COL6A6: variants seen among roughly 807,000 people sequenced by gnomAD.
COL6A6 encodes collagen alpha-6(VI) chain.
Under a neutral mutation model 208.6 loss-of-function variants are expected in COL6A6, and 183 were observed. That is an observed-to-expected ratio of 0.88 (90% CI 0.78 to 0.99). COL6A6 has a LOEUF of 0.99. COL6A6 is among the 50% of genes least tolerant of loss of function. The pLI, the probability that COL6A6 is intolerant of heterozygous loss-of-function variation, is 0.00. For synonymous variants in COL6A6, 973 were observed against 1,011.8 expected (o/e 0.96, Z 0.73); for missense variants, 2,816 against 2,815.2 (o/e 1.00, Z -0.01).
rs763426736 is a variant in COL6A6 at position 130,634,637 on chromosome 3, T to C, written c.5028+12T>C. ...AAAGTGGACCTAAGGTACCGTGTGCTTCCTAGTAACTAGAGATCAGTCAGA... is the reference window on the plus strand; with the variant it reads ...AAAGTGGACCTAAGGTACCGTGTGCCTCCTAGTAACTAGAGATCAGTCAGA... On this transcript the variant is annotated intron_variant, in intron 27 of 36. Transcript: ENST00000358511. 3 of 1,601,968 alleles carry C rather than the reference T, an allele frequency of 1.9e-6. No individual in the cohort carries two copies. In the South Asian group the frequency reaches 3.4e-5, roughly 18 times the overall value.
In COL6A6 at chr3:130,534,832, C is replaced by T. The variant is rs566150939; in HGVS notation, c.-32+17435C>T. ...TTCTGGGTTTAATCGTAGTGTTTCACGTGAAAATCTAGAAGTAGATTTTTT... is the reference window on the plus strand; with the variant it reads ...TTCTGGGTTTAATCGTAGTGTTTCATGTGAAAATCTAGAAGTAGATTTTTT... On this transcript the variant is annotated intron_variant, in intron 1 of 36. Coordinates refer to ENST00000358511, the MANE Select transcript of COL6A6 (RefSeq NM_001102608.3). Among the ~76,000 whole-genome samples, 7 of 152,082 alleles carry T rather than the reference C, an allele frequency of 4.6e-5. No homozygotes were observed. In the South Asian group the frequency reaches 6.2e-4, roughly 14 times the overall value.
intron 35 of COL6A6, 98 bp downstream of exon 35, chr3:130,662,406 G>A (rs924434030): frequency 2.1e-5 from 26 of 1,228,760 alleles, no homozygotes; most frequent in Non-Finnish European, 2.5e-5. Flanking sequence ...GAAACCTCTT[G>A]TCTGTCTTCA....
At chr3:130,617,267 C>G (rs16830210) in intron 23 of COL6A6, among the ~76,000 whole-genome samples, 1,599 of 152,180 alleles carry the variant, frequency 0.011, 13 homozygotes, top group African/African-American at 0.023. Context: ...CTCACGTATA[C>G]CCAATCTCAT....
chr3:130,552,863 A>G (rs557958664), intron 1 of COL6A6, among the ~76,000 whole-genome samples: 2 of 152,308 alleles, frequency 1.3e-5, no homozygotes, highest in Non-Finnish European at 2.9e-5. Flanking sequence ...GAATTTCCTT[A>G]GCACTTGCTT....
At chr3:130,612,146 G>A (rs922150685) in intron 23 of COL6A6, among the ~76,000 whole-genome samples, 3 of 152,230 alleles carry the variant, frequency 2.0e-5, no homozygotes, top group South Asian at 2.1e-4. Context: ...GTATTCCATG[G>A]TATATATTTA....
intron 1 of COL6A6, among the ~76,000 whole-genome samples, chr3:130,521,093 A>G (rs988404072): frequency 1.3e-5 from 2 of 152,200 alleles, no homozygotes; most frequent in Non-Finnish European, 2.9e-5. Flanking sequence ...AAAACCATTT[A>G]CAGTTAAGGA....
Position 130,553,990 on chromosome 3 carries a change from G to C in COL6A6, c.-31-6344G>C, listed in dbSNP as rs76399261. ...GCCAAGCCCCAGCTTAGCACTGCTG[G>C]ACTGCATGCTCTAACTCTGTGGATC... On this transcript the variant is annotated intron_variant, in intron 1 of 36. Coordinates refer to ENST00000358511, the MANE Select transcript of COL6A6 (RefSeq NM_001102608.3). Among the ~76,000 whole-genome samples the C allele has an allele frequency of 5.7e-3, 863 of 152,264 alleles. 9 individuals carry two copies. The highest frequency in any genetic ancestry group is 0.033 in the East Asian group (171 of 5,176).
intron 8 of COL6A6, among the ~76,000 whole-genome samples, chr3:130,575,778 GA>G (rs1386847192): frequency 6.6e-6 from 1 of 152,122 alleles, no homozygotes; most frequent in East Asian, 1.9e-4. Flanking sequence ...GGTTTTCTCT[GA>G]AAATAGCCCG....
chr3:130,665,766 A>G (rs1331122678), intron 36 of COL6A6, among the ~76,000 whole-genome samples: 1 of 152,246 alleles, frequency 6.6e-6, no homozygotes, highest in Non-Finnish European at 1.5e-5. Flanking sequence ...GTGGTTCACA[A>G]TGTAATAACA....
rs540471960 is a variant in COL6A6 at position 130,594,328 on chromosome 3, C to T, written c.4518C>T (p.Gly1506=). The T allele has an allele frequency of 1.5e-4, 239 of 1,613,138 alleles. 1 individual carries two copies. The South Asian group carries it at 2.6e-3, about 18-fold the overall frequency. ...CTCCTGGTGACCGTGGAGCAAAGGGCCTGCGAGGGGATCCCGTAAGTGCAC... is the reference window on the plus strand; with the variant it reads ...CTCCTGGTGACCGTGGAGCAAAGGGTCTGCGAGGGGATCCCGTAAGTGCAC... ...RGTPGDRGAK[G]LRGDPGAPGV... The change falls in exon 18 of 37, where the codon GGC becomes GGT. Residue 1506 remains glycine (G), a synonymous_variant. Coordinates refer to ENST00000358511, the MANE Select transcript of COL6A6 (RefSeq NM_001102608.3).
intron 13 of COL6A6, 125 bp downstream of exon 13, chr3:130,591,219 ATCT>A (rs2063707721): frequency 5.1e-6 from 4 of 777,832 alleles, no homozygotes; most frequent in South Asian, 4.8e-5. Flanking sequence ...AGAATCTCAG[ATCT>A]TCTTTTGTCC....
At chr3:130,671,023 C>T (rs1481392187) in intron 36 of COL6A6, among the ~76,000 whole-genome samples, 3 of 152,102 alleles carry the variant, frequency 2.0e-5, no homozygotes, top group African/African-American at 7.2e-5. Flanking sequence ...GGGGAGATGC[C>T]TGGCTTGACT....
chr3:130,595,204 C>T (rs2063820497), intron 18 of COL6A6, among the ~76,000 whole-genome samples: 2 of 151,942 alleles, frequency 1.3e-5, no homozygotes, highest in African/African-American at 4.8e-5. Flanking sequence ...AAAAAGATAC[C>T]AATATATAGG....
chr3:130,612,672 C>T (rs1465815878), intron 23 of COL6A6, among the ~76,000 whole-genome samples: 3 of 152,052 alleles, frequency 2.0e-5, no homozygotes, highest in African/African-American at 7.2e-5. Context: ...GTAGGGGATG[C>T]CGCTGGATTA....
chr3:130,599,817 G>A lies in COL6A6; in HGVS notation c.4653+7G>A, dbSNP rs764424837. 7 of 1,613,430 alleles carry A rather than the reference G, an allele frequency of 4.3e-6. No individual in the cohort carries two copies. In the South Asian group the frequency reaches 5.5e-5, roughly 13 times the overall value. The stretch of plus-strand genomic sequence containing the variant: ...AGGCTCCAGAAGAAAGACAGTAAGA[G>A]CCCTTCTAGACAAGGAGACCCACTG... On this transcript the variant is annotated splice_region_variant and intron_variant, in intron 20 of 36. Transcript: ENST00000358511.
At chr3:130,547,769 GCCAT>G (rs2062550462) in intron 1 of COL6A6, among the ~76,000 whole-genome samples, 3 of 152,208 alleles carry the variant, frequency 2.0e-5, no homozygotes, top group African/African-American at 7.2e-5. Context: ...ATCCATAAGA[GCCAT>G]TAGCATATTA....
intron 23 of COL6A6, among the ~76,000 whole-genome samples, chr3:130,619,794 T>G (rs1321653544): frequency 6.6e-6 from 1 of 152,074 alleles, no homozygotes; most frequent in African/African-American, 2.4e-5. Flanking sequence ...CTAGGATAAT[T>G]CTCAGGTTTC....
At chr3:130,582,434 G>A (rs1449155996) in intron 10 of COL6A6, among the ~76,000 whole-genome samples, 1 of 152,100 alleles carries the variant, frequency 6.6e-6, no homozygotes, top group African/African-American at 2.4e-5. Flanking sequence ...CTTGACCAGG[G>A]AATGAGAGTC....
intron 1 of COL6A6, among the ~76,000 whole-genome samples, chr3:130,531,039 GACACACACACACACACACACAGTC>G (rs2062074857): frequency 2.6e-4 from 36 of 138,042 alleles, no homozygotes; most frequent in African/African-American, 1.1e-3. Context: ...CACACACACA[GACACACACACACACACACACAGTC>G]TCTCTCTCTC....
Sources: allele counts gnomAD v4.1 joint callset (sites outside exome capture counted in the v4.1 genomes callset), GRCh38; gene constraint gnomAD v4.1.1; transcripts MANE v1.5; gene names NCBI Gene and HGNC (gene_info 2026-07-23, HGNC 2026-07-21).